The following TFIP11 variants were observed in gnomAD, a reference collection of about 807,000 sequenced individuals.
The protein encoded by TFIP11 is tuftelin interacting protein 11, also known as tuftelin-interacting protein 11.
Under a neutral mutation model 96.8 loss-of-function variants are expected in TFIP11, and 86 were observed. The observed-to-expected ratio is 0.89, with a 90% CI of 0.75 to 1.06. The LOEUF is 1.06. Among genes scored for constraint, TFIP11 ranks in the 50% least tolerant of loss-of-function variants. The pLI is 0.00. For synonymous variants in TFIP11, 405 were observed against 395.2 expected, an observed-to-expected ratio of 1.02 and a Z score of -0.29; for missense variants, 881 against 1,076.7, an observed-to-expected ratio of 0.82 and a Z score of 2.54.
rs1300594381 is a variant in TFIP11 at position 26,492,266 on chromosome 22, G to C, written c.2261C>G (p.Ala754Gly). The C allele has an allele frequency of 6.2e-7, 1 of 1,614,112 alleles. No homozygotes were observed. Among genetic ancestry groups the C allele is most frequent in the Non-Finnish European group, 8.5e-7 (1 of 1,180,040 alleles). ...AATGCCCCTCTGAGCCATGTTCTCA[G>C]CCTCCCGCCTCTCCTGCATGGCCTC... ...QYEAMQERRE[A>G]ENMAQRGIGV... Residue 754 changes from alanine to glycine, a missense_variant, in exon 15 of 15, where the codon GCT becomes GGT. Transcript: ENST00000407690.
rs1460923790 is a variant in TFIP11 at position 26,499,393 on chromosome 22, T to C, written c.1040A>G (p.Asp347Gly). 9 of 1,613,966 alleles carry C rather than the reference T, an allele frequency of 5.6e-6. No individual in the cohort carries two copies. Among genetic ancestry groups the C allele is most frequent in the Non-Finnish European group, 7.6e-6 (9 of 1,179,964 alleles). ...CTCGTGGAAGAGGTTGACCACCATG[T>C]CCCGCTCATACTGTAGCTGCCGGTC... ...QNDRQLQYERDMVVNLFHELE... is the reference protein window; with the variant it reads ...QNDRQLQYERGMVVNLFHELE... The change falls in exon 9 of 15, where the codon GAC becomes GGC. Residue 347 changes from aspartate to glycine, a missense_variant. Transcript: ENST00000407690.
intron 8 of TFIP11, among the ~76,000 whole-genome samples, chr22:26,501,366 T>C (rs74847408): frequency 0.012 from 1,766 of 152,246 alleles, 34 homozygotes; most frequent in African/African-American, 0.04. Flanking sequence ...GTATTCAACA[T>C]GGTGATTGCA....
chr22:26,491,983 G>A lies in TFIP11; in HGVS notation c.*30C>T, dbSNP rs1569153798. On this transcript the variant is annotated 3_prime_UTR_variant, in exon 15 of 15. Transcript: ENST00000407690. ...TACAGTACATCCCTCTTAGGGGCAA[G>A]TCTCTGACTGGTTCTGGACCTGCCA... is the stretch of plus-strand genomic sequence containing the variant. The A allele has an allele frequency of 1.3e-6, 2 of 1,554,860 alleles. No individual in the cohort carries two copies. The highest frequency in any genetic ancestry group is 2.7e-5 in the African/African-American group (2 of 73,436).
intron 6 of TFIP11, among the ~76,000 whole-genome samples, chr22:26,504,534 T>C (rs1923177023): frequency 1.3e-5 from 2 of 151,202 alleles, no homozygotes; most frequent in South Asian, 2.1e-4. Flanking sequence ...AAGAAAAAAT[T>C]AGCCAGGCAC....
intron 6 of TFIP11, among the ~76,000 whole-genome samples, chr22:26,504,841 CGAG>C (rs1347894322): frequency 6.6e-6 from 1 of 152,012 alleles, no homozygotes; most frequent in African/African-American, 2.4e-5. Context: ...TTTGGGAGGC[CGAG>C]GAGGATGGAT....
At chr22:26,499,712 G>T (rs2147132925) in intron 8 of TFIP11, 81 bp from the exon 9 acceptor site, 4 of 1,416,178 alleles carry the variant, frequency 2.8e-6, no homozygotes, top group Non-Finnish European at 3.8e-6. Flanking sequence ...AAGGCCCCAT[G>T]ACAGGGGAAG....
rs780595423 is a variant in TFIP11 at position 26,491,642 on chromosome 22, CAA to C, written c.*369_*370del. The C allele has an allele frequency of 2.5e-6, 4 of 1,613,060 alleles. No individual in the cohort carries two copies. The highest frequency in any genetic ancestry group is 1.7e-5 in the Admixed American group (1 of 60,026). On this transcript the variant is annotated 3_prime_UTR_variant, in exon 15 of 15. Transcript: ENST00000407690. ...GTGAGGACCTTGAAATCATCAGGAA[CAA>C]GAGAGAAGATCCTTCTGCTACTGAC... is the stretch of plus-strand genomic sequence containing the variant.
chr22:26,494,046 T>C, intron 14 of TFIP11, 93 bp downstream of exon 14: 1 of 1,469,172 alleles, frequency 6.8e-7, no homozygotes, highest in Non-Finnish European at 9.3e-7. Context: ...TTAGGCTGCC[T>C]ACAGGAACCA....
At chr22:26,507,183 T>C (rs1170003584) in intron 4 of TFIP11, among the ~76,000 whole-genome samples, 1 of 152,220 alleles carries the variant, frequency 6.6e-6, no homozygotes, top group Non-Finnish European at 1.5e-5. Flanking sequence ...TAGGGTTGAT[T>C]ACAAATTCAA....
Position 26,491,975 on chromosome 22 carries a change from A to C in TFIP11, c.*38T>G. 1 of 1,536,462 alleles carries C rather than the reference A, an allele frequency of 6.5e-7. No homozygotes were observed. ...TGTTTATTTACAGTACATCCCTCTTAGGGGCAAGTCTCTGACTGGTTCTGG... is the reference window on the plus strand; with the variant it reads ...TGTTTATTTACAGTACATCCCTCTTCGGGGCAAGTCTCTGACTGGTTCTGG... On this transcript the variant is annotated 3_prime_UTR_variant, in exon 15 of 15. Transcript: ENST00000407690.
chr22:26,507,721 TCTGA>T (rs1358613988), intron 4 of TFIP11, among the ~76,000 whole-genome samples: 2 of 152,048 alleles, frequency 1.3e-5, no homozygotes, highest in Non-Finnish European at 2.9e-5. Flanking sequence ...TGATTTAAAC[TCTGA>T]CTGCTTCAAG....
intron 2 of TFIP11, chr22:26,511,418 A>G (rs1180609582): frequency 1.3e-5 from 2 of 152,182 alleles, no homozygotes; most frequent in Non-Finnish European, 2.9e-5. Context: ...CCACATAGTC[A>G]CACCCAGGAT....
chr22:26,495,714 T>A (rs76337376), intron 12 of TFIP11, among the ~76,000 whole-genome samples: 6,951 of 151,474 alleles, frequency 0.046, 208 homozygotes, highest in Middle Eastern at 0.078. Context: ...GTATATATAT[T>A]TTTTTTGCTA....
Position 26,491,275 on chromosome 22 carries a change from A to C in TFIP11, c.*738T>G, listed in dbSNP as rs1921138261. On this transcript the variant is annotated 3_prime_UTR_variant, in exon 15 of 15. Transcript: ENST00000407690. Reference sequence around the variant, plus strand: ...CCTTATTTCCTTTATTCTTAGTATCACAGTCCATGATATCCACTGTCCTTG... The same window carrying C: ...CCTTATTTCCTTTATTCTTAGTATCCCAGTCCATGATATCCACTGTCCTTG... 1.4e-6 allele frequency: 1 copy of C among 713,794 alleles called. No homozygotes were observed. Among genetic ancestry groups the C allele is most frequent in the East Asian group, 2.7e-5 (1 of 37,176 alleles). The allele number at this position is 713,794 out of a possible 1,614,324, so 44.2% of individuals were successfully genotyped here.
intron 6 of TFIP11, chr22:26,506,099 T>C: frequency 2.0e-6 from 1 of 503,970 alleles, no homozygotes; most frequent in African/African-American, 2.0e-5. Context: ...ACCCTAACCC[T>C]TTCCTTGCTG....
At chr22:26,495,957 T>C (rs2239855) in intron 12 of TFIP11, 116 bp downstream of exon 12, 44,600 of 1,421,638 alleles carry the variant, frequency 0.031, 1,190 homozygotes, top group East Asian at 0.12. Flanking sequence ...GCAAGGAATA[T>C]TGTGTACTAA....
chr22:26,491,951 GT>G lies in TFIP11; in HGVS notation c.*61del. 1 of 1,455,532 alleles carries G rather than the reference GT, an allele frequency of 6.9e-7. No homozygotes were observed. Among genetic ancestry groups the G allele is most frequent in the Non-Finnish European group, 9.3e-7 (1 of 1,071,248 alleles). The allele number at this position is 1,455,532 out of a possible 1,614,324, so 90.2% of individuals were successfully genotyped here. On this transcript the variant is annotated 3_prime_UTR_variant, in exon 15 of 15. Coordinates refer to ENST00000407690, the MANE Select transcript of TFIP11 (RefSeq NM_012143.4). ...CTTTTGAAGGTGATCTAAAAATACTGTTTATTTACAGTACATCCCTCTTAGG... is the reference window on the plus strand; with the variant it reads ...CTTTTGAAGGTGATCTAAAAATACTGTTATTTACAGTACATCCCTCTTAGG...
chr22:26,500,025 T>C (rs1396993663), intron 8 of TFIP11, among the ~76,000 whole-genome samples: 1 of 152,198 alleles, frequency 6.6e-6, no homozygotes, highest in Non-Finnish European at 1.5e-5. Flanking sequence ...CACATAAGCA[T>C]AGAAAAAGAT....
In TFIP11 at chr22:26,491,243, G is replaced by A; in HGVS notation, c.*770C>T. ...CTATGACTCTTTAATGCATCTCTTA[G>A]TTTTTTCCTTATTTCCTTTATTCTT... On this transcript the variant is annotated 3_prime_UTR_variant, in exon 15 of 15. Transcript: ENST00000407690. The A allele has an allele frequency of 1.3e-6, 1 of 766,442 alleles. No homozygotes were observed. The highest frequency in any genetic ancestry group is 2.1e-6 in the Non-Finnish European group (1 of 473,064). 47.5% of individuals were successfully genotyped at this position (766,442 alleles called of 1,614,324 possible). A position where few individuals can be genotyped will look rare whatever the true frequency, so the allele number is the denominator to read the frequency against.
Sources: allele counts gnomAD v4.1 joint callset (sites outside exome capture counted in the v4.1 genomes callset), GRCh38; gene constraint gnomAD v4.1.1; transcripts MANE v1.5; gene names NCBI Gene and HGNC (gene_info 2026-07-23, HGNC 2026-07-21).